ATP9B: variants seen among roughly 807,000 people sequenced by gnomAD.
ATP9B encodes the protein ATPase phospholipid transporting 9B, also known as probable phospholipid-transporting ATPase IIB.
ATP9B carries 110 observed loss-of-function variants against 146.1 expected under a neutral mutation model. The ratio of observed to expected loss-of-function variants is 0.75; its 90% CI spans 0.65 to 0.88. The LOEUF is 0.88. Among genes scored for constraint, ATP9B ranks in the 40% least tolerant of loss-of-function variants. The pLI is 0.00. For synonymous variants in ATP9B, 604 were observed against 569.7 expected (o/e 1.06, Z -0.86); for missense variants, 1,499 against 1,496.4 (o/e 1.00, Z -0.03).
intron 1 of ATP9B, among the ~76,000 whole-genome samples, chr18:79,080,477 A>C (rs1356173170): frequency 6.6e-6 from 1 of 152,196 alleles, no homozygotes; most frequent in Non-Finnish European, 1.5e-5. Context: ...ATTTTTGCAC[A>C]TTGATTTTGT....
intron 2 of ATP9B, among the ~76,000 whole-genome samples, chr18:79,103,463 T>C (rs1322234178): frequency 1.3e-5 from 2 of 152,018 alleles, no homozygotes. Context: ...TTGGGAGACA[T>C]GTGGTATACC....
chr18:79,208,081 T>G (rs138448717), intron 10 of ATP9B, among the ~76,000 whole-genome samples: 4,896 of 152,044 alleles, frequency 0.032, 115 homozygotes, highest in Non-Finnish European at 0.042. Context: ...CCGTCTCTAC[T>G]AAAAATACAA....
chr18:79,210,263 G>A (rs1489015003), intron 10 of ATP9B, among the ~76,000 whole-genome samples: 1 of 152,222 alleles, frequency 6.6e-6, no homozygotes, highest in Non-Finnish European at 1.5e-5. Context: ...CTGATACTCA[G>A]CTGTCACAAA....
chr18:79,328,961 C>T (rs1312932887), intron 15 of ATP9B, among the ~76,000 whole-genome samples, 180 bp from the exon 16 acceptor site: 3 of 152,134 alleles, frequency 2.0e-5, no homozygotes, highest in Non-Finnish European at 2.9e-5. Context: ...GCTTAGGATT[C>T]CTCTAGAACA....
Position 79,285,632 on chromosome 18 carries a change from T to C in ATP9B, c.1411+8436T>C, listed in dbSNP as rs1349234404. ...AGCTCTTTAGTTTAATTAGATCCCA[T>C]TTGTCAATTTTGGCTTTTGTTGCCA... On this transcript the variant is annotated intron_variant, in intron 13 of 29. Transcript: ENST00000426216. Among the ~76,000 whole-genome samples the C allele has an allele frequency of 9.2e-5, 14 of 152,282 alleles. No individual in the cohort carries two copies. In the East Asian group the frequency reaches 2.7e-3, roughly 29 times the overall value.
chr18:79,257,273 C>G (rs1300753264), intron 12 of ATP9B, among the ~76,000 whole-genome samples: 2 of 152,146 alleles, frequency 1.3e-5, no homozygotes, highest in Non-Finnish European at 2.9e-5. Flanking sequence ...GCACTCCAGC[C>G]TGGGCAGGCA....
chr18:79,340,911 G>T (rs2096854713), intron 19 of ATP9B, among the ~76,000 whole-genome samples: 1 of 152,208 alleles, frequency 6.6e-6, no homozygotes. Flanking sequence ...GGCAAACCCT[G>T]ACTGTGTGCC....
At chr18:79,327,597 C>CT (rs2096759659) in intron 15 of ATP9B, among the ~76,000 whole-genome samples, 4 of 66,168 alleles carry the variant, frequency 6.0e-5, no homozygotes, top group South Asian at 5.8e-4. Context: ...GTTAACGTGC[C>CT]CTCCGTGGTT....
At chr18:79,097,946 C>T (rs535870397) in intron 2 of ATP9B, among the ~76,000 whole-genome samples, 8 of 151,996 alleles carry the variant, frequency 5.3e-5, no homozygotes, top group East Asian at 1.9e-4. Flanking sequence ...CCTGAGGAAT[C>T]GCCACACTGA....
intron 13 of ATP9B, among the ~76,000 whole-genome samples, chr18:79,288,477 C>G (rs1400118089): frequency 6.6e-6 from 1 of 152,112 alleles, no homozygotes; most frequent in Middle Eastern, 3.2e-3. Flanking sequence ...GTAGATCTTC[C>G]TCCATCCTTT....
chr18:79,236,722 G>A (rs919083001), intron 11 of ATP9B, among the ~76,000 whole-genome samples: 1 of 151,490 alleles, frequency 6.6e-6, no homozygotes, highest in African/African-American at 2.4e-5. Context: ...GCAGGAGTCA[G>A]TGTCCACACC....
intron 1 of ATP9B, among the ~76,000 whole-genome samples, chr18:79,079,814 A>G (rs1406027837): frequency 6.6e-6 from 1 of 152,072 alleles, no homozygotes. Flanking sequence ...ACCTTGAGTT[A>G]ATTTTCGTAT....
chr18:79,206,622 T>TAATA (rs2095535905), intron 9 of ATP9B, among the ~76,000 whole-genome samples: 1 of 78,468 alleles, frequency 1.3e-5, no homozygotes, highest in Non-Finnish European at 2.4e-5. Context: ...TAATAACACC[T>TAATA]CATAAATAAA....
At chr18:79,216,542 G>A (rs2095628735) in intron 11 of ATP9B, among the ~76,000 whole-genome samples, 1 of 152,194 alleles carries the variant, frequency 6.6e-6, no homozygotes, top group Non-Finnish European at 1.5e-5. Flanking sequence ...GGTTTTCAGT[G>A]TGGTAATTTT....
In ATP9B at chr18:79,248,668, A is replaced by T. The variant is rs927431087; in HGVS notation, c.1108-4713A>T. ...ATGAATGAATTGGGTGTCAGAGTCG[A>T]GGCTTTTCAAATTGTCCTATATTCA... is the stretch of plus-strand genomic sequence containing the variant. On this transcript the variant is annotated intron_variant, in intron 11 of 29. Coordinates refer to ENST00000426216, the MANE Select transcript of ATP9B (RefSeq NM_198531.5). Among the ~76,000 whole-genome samples, 7 of 152,256 alleles carry T rather than the reference A, an allele frequency of 4.6e-5. No individual in the cohort carries two copies. The South Asian group carries it at 1.4e-3, about 31-fold the overall frequency.
chr18:79,214,558 G>T (rs1190189193), intron 11 of ATP9B, among the ~76,000 whole-genome samples: 1 of 152,130 alleles, frequency 6.6e-6, no homozygotes, highest in Non-Finnish European at 1.5e-5. Flanking sequence ...TGTTATTTAT[G>T]CATCCAACAT....
chr18:79,364,851 G>T (rs1049367409), intron 26 of ATP9B, among the ~76,000 whole-genome samples: 4 of 152,018 alleles, frequency 2.6e-5, no homozygotes, highest in African/African-American at 9.7e-5. Flanking sequence ...TAGTGAGACC[G>T]TGTCTCTACA....
chr18:79,074,468 G>A (rs1373582433), intron 1 of ATP9B, among the ~76,000 whole-genome samples: 1 of 152,238 alleles, frequency 6.6e-6, no homozygotes, highest in Non-Finnish European at 1.5e-5. Flanking sequence ...GGATAAAAAG[G>A]TTTTCTGGAC....
intron 7 of ATP9B, among the ~76,000 whole-genome samples, chr18:79,164,674 G>A (rs940993671): frequency 6.6e-6 from 1 of 152,094 alleles, no homozygotes; most frequent in Non-Finnish European, 1.5e-5. Flanking sequence ...AGCTGAGATC[G>A]CGCCACTGCA....
Sources: allele counts gnomAD v4.1 joint callset (sites outside exome capture counted in the v4.1 genomes callset), GRCh38; gene constraint gnomAD v4.1.1; transcripts MANE v1.5; gene names NCBI Gene and HGNC (gene_info 2026-07-23, HGNC 2026-07-21).